The following LRRIQ3 variants were observed in gnomAD, a reference collection of about 807,000 sequenced individuals.
LRRIQ3 encodes the protein leucine-rich repeat and IQ domain-containing protein 3.
In LRRIQ3, 75 loss-of-function variants were observed where a neutral mutation model predicts 59.3. That is an observed-to-expected ratio of 1.26 (90% CI 1.05 to 1.53). The LOEUF is 1.53. Among genes scored for constraint, LRRIQ3 ranks in the 40% most tolerant of loss-of-function variants. The probability of loss-of-function intolerance (pLI) is 0.00; values close to 1 mark genes in which losing one functional copy is unlikely to be tolerated. For synonymous variants in LRRIQ3, 250 were observed against 231.3 expected (o/e 1.08, Z -0.73); for missense variants, 831 against 710.0 (o/e 1.17, Z -1.94).
chr1:74,115,644 G>T (rs573702699), intron 4 of LRRIQ3, among the ~76,000 whole-genome samples: 6 of 152,194 alleles, frequency 3.9e-5, no homozygotes, highest in African/African-American at 1.2e-4. Context: ...CAAGATCAAG[G>T]TAACCTAGCC....
At chr1:74,163,580 G>A (rs1488297759) in intron 3 of LRRIQ3, among the ~76,000 whole-genome samples, 1 of 151,594 alleles carries the variant, frequency 6.6e-6, no homozygotes, top group African/African-American at 2.4e-5. Flanking sequence ...TGCTGCATGT[G>A]TATCAATAAT....
intron 4 of LRRIQ3, among the ~76,000 whole-genome samples, chr1:74,123,585 A>C (rs1176952776): frequency 6.6e-6 from 1 of 152,102 alleles, no homozygotes. Context: ...TATTTCACTT[A>C]ACATAATGAC....
At position 74,041,789 on chromosome 1, in the gene LRRIQ3, T is replaced by C. The variant is rs774574720; in HGVS notation, c.1142A>G (p.Tyr381Cys). 3.0e-5 allele frequency: 48 copies of C among 1,613,576 alleles called. No individual in the cohort carries two copies. In the South Asian group the frequency reaches 5.1e-4, roughly 17 times the overall value. Residue 381 changes from tyrosine (Y) to cysteine (C), a missense_variant, in exon 7 of 8, where the codon TAT (tyrosine) becomes TGT (cysteine). Physicochemically the swap from Tyr to Cys is radical, Grantham distance 194. Transcript: ENST00000354431. ...ATGAGTAGTATAGATTGGCTGAGGA[T>C]ATGCAGGAAAAAAATGTTGTTTTTT... The part of the protein sequence containing the change: ...REKKQHFFPA[Y>C]PQPIYTTHPK...
At chr1:74,117,986 A>C (rs2100579449) in intron 4 of LRRIQ3, among the ~76,000 whole-genome samples, 1 of 152,186 alleles carries the variant, frequency 6.6e-6, no homozygotes, top group African/African-American at 2.4e-5. Context: ...TCCACCAAGA[A>C]GGGAGAATTT....
intron 3 of LRRIQ3, among the ~76,000 whole-genome samples, chr1:74,160,572 TA>T (rs1320046032): frequency 6.6e-6 from 1 of 152,118 alleles, no homozygotes; most frequent in Non-Finnish European, 1.5e-5. Context: ...ATCCTATTTA[TA>T]AATATTACAT....
At chr1:74,076,043 G>T (rs533173155) in intron 5 of LRRIQ3, among the ~76,000 whole-genome samples, 36 of 152,118 alleles carry the variant, frequency 2.4e-4, no homozygotes, top group Non-Finnish European at 4.9e-4. Flanking sequence ...ATTTTGCTAG[G>T]TGTTTTGCTG....
chr1:74,060,159 T>G (rs539057412), intron 6 of LRRIQ3, among the ~76,000 whole-genome samples: 2 of 151,976 alleles, frequency 1.3e-5, no homozygotes, highest in Non-Finnish European at 2.9e-5. Flanking sequence ...AGTCGCCTTC[T>G]TCTTCGTCGT....
At chr1:74,091,802 T>C (rs1388791521) in intron 5 of LRRIQ3, among the ~76,000 whole-genome samples, 1 of 152,116 alleles carries the variant, frequency 6.6e-6, no homozygotes, top group African/African-American at 2.4e-5. Flanking sequence ...TCTACCTCCA[T>C]TAAATACTTT....
intron 5 of LRRIQ3, among the ~76,000 whole-genome samples, chr1:74,108,185 TCA>T (rs1188198157): frequency 2.0e-5 from 3 of 151,832 alleles, no homozygotes; most frequent in African/African-American, 7.2e-5. Flanking sequence ...AAATTGGTTA[TCA>T]GTATACTGAT....
Position 74,182,789 on chromosome 1 carries a change from C to A in LRRIQ3, c.322G>T (p.Gly108Trp), listed in dbSNP as rs1404153997. 1.9e-6 allele frequency: 3 copies of A among 1,609,562 alleles called. No homozygotes were observed. Among genetic ancestry groups the A allele is most frequent in the Non-Finnish European group, 2.5e-6 (3 of 1,177,486 alleles). ...NLKLLYLHDN[G>W]FAKLKNICVL... Reference sequence around the variant, plus strand: ...CATATATTCTTTAACTTTGCAAACCCATTGTCATGAAGATAGAGTAGTTTT... The same window carrying A: ...CATATATTCTTTAACTTTGCAAACCAATTGTCATGAAGATAGAGTAGTTTT... Residue 108 changes from glycine (G) to tryptophan (W), a missense_variant, in exon 3 of 8, where the codon GGG becomes TGG. Gly to Trp is a radical substitution (Grantham distance 184). Coordinates refer to ENST00000354431, the MANE Select transcript of LRRIQ3 (RefSeq NM_001105659.2).
At chr1:74,155,929 T>A in intron 3 of LRRIQ3, 63 bp from the exon 4 acceptor site, 1 of 941,216 alleles carries the variant, frequency 1.1e-6, no homozygotes, top group Non-Finnish European at 1.5e-6. Flanking sequence ...AAAAGATATT[T>A]TAAATTTGGT....
intron 4 of LRRIQ3, among the ~76,000 whole-genome samples, chr1:74,126,456 G>T (rs921342716): frequency 9.9e-5 from 15 of 151,552 alleles, no homozygotes; most frequent in African/African-American, 3.4e-4. Context: ...GTTGTTTAAA[G>T]ATTTTTTAAT....
intron 6 of LRRIQ3, among the ~76,000 whole-genome samples, chr1:74,063,083 T>TCAAAA (rs796862229): frequency 6.7e-5 from 7 of 104,568 alleles, no homozygotes; most frequent in East Asian, 3.6e-4. Flanking sequence ...ACAAAAAAAA[T>TCAAAA]CAAAACAAAA....
At chr1:74,053,617 T>C (rs1246893396) in intron 6 of LRRIQ3, among the ~76,000 whole-genome samples, 1 of 151,842 alleles carries the variant, frequency 6.6e-6, no homozygotes, top group Non-Finnish European at 1.5e-5. Flanking sequence ...TGAGCCAGAG[T>C]TTCAGGTTGC....
chr1:74,168,071 GTGT>G (rs774837965), intron 3 of LRRIQ3, among the ~76,000 whole-genome samples: 1 of 151,924 alleles, frequency 6.6e-6, no homozygotes, highest in Non-Finnish European at 1.5e-5. Flanking sequence ...TTGTTGGGTG[GTGT>G]TCTATAAATG....
At chr1:74,114,277 A>C (rs1484669124) in intron 4 of LRRIQ3, among the ~76,000 whole-genome samples, 1 of 152,138 alleles carries the variant, frequency 6.6e-6, no homozygotes, top group East Asian at 1.9e-4. Flanking sequence ...TGTAACAATT[A>C]TAGTCACAAA....
At chr1:74,068,267 T>G (rs967695401) in intron 6 of LRRIQ3, among the ~76,000 whole-genome samples, 1 of 152,256 alleles carries the variant, frequency 6.6e-6, no homozygotes, top group African/African-American at 2.4e-5. Context: ...CTCAACAGTT[T>G]AGTACAGTGA....
chr1:74,101,518 TGAACTA>T (rs879707112), intron 5 of LRRIQ3, among the ~76,000 whole-genome samples: 1 of 152,084 alleles, frequency 6.6e-6, no homozygotes, highest in Non-Finnish European at 1.5e-5. Flanking sequence ...TCAGGGATCT[TGAACTA>T]GAAATACCAT....
chr1:74,057,172 G>T (rs1239430433), intron 6 of LRRIQ3, among the ~76,000 whole-genome samples: 4 of 152,058 alleles, frequency 2.6e-5, no homozygotes, highest in Non-Finnish European at 5.9e-5. Context: ...CAGATTCATT[G>T]CTATTCCTAT....
Sources: allele counts gnomAD v4.1 joint callset (sites outside exome capture counted in the v4.1 genomes callset), GRCh38; gene constraint gnomAD v4.1.1; transcripts MANE v1.5; gene names NCBI Gene and HGNC (gene_info 2026-07-23, HGNC 2026-07-21).